The following HCN1 variants were observed in gnomAD, a reference collection of about 807,000 sequenced individuals.
The protein encoded by HCN1 is hyperpolarization activated cyclic nucleotide gated potassium channel 1.
HCN1 carries 13 observed loss-of-function variants against 78.9 expected under a neutral mutation model. The ratio of observed to expected loss-of-function variants is 0.16; its 90% CI spans 0.11 to 0.26. The LOEUF (loss-of-function observed/expected upper bound fraction) is 0.26, where lower values mean the gene tolerates loss of function less well. Ranked by LOEUF, HCN1 falls within the 10% of genes least tolerant of loss-of-function variation. The probability of loss-of-function intolerance (pLI) is 1.00; values close to 1 mark genes in which losing one functional copy is unlikely to be tolerated. For missense variants in HCN1, 810 were observed against 1,154.3 expected, an observed-to-expected ratio of 0.70 and a Z score of 4.32; for synonymous variants, 552 against 455.5, an observed-to-expected ratio of 1.21 and a Z score of -2.70.
chr5:45,611,897 A>G (rs1744844978), intron 2 of HCN1, among the ~76,000 whole-genome samples: 3 of 152,126 alleles, frequency 2.0e-5, no homozygotes, highest in Admixed American at 6.6e-5. Flanking sequence ...AACCTTTGGG[A>G]GAAGTTACAC....
In HCN1 at chr5:45,327,805, C is replaced by A. The variant is rs746164876; in HGVS notation, c.1378-23966G>T. Among the ~76,000 whole-genome samples the A allele has an allele frequency of 2.0e-5, 3 of 151,512 alleles. No homozygotes were observed. In the East Asian group the frequency reaches 5.8e-4, roughly 29 times the overall value. Reference sequence around the variant, plus strand: ...ACACAGAAAAGACATCTGGGGTGAACAAGCACAGAGAAAAGGAAGCCCTCT... The same window carrying A: ...ACACAGAAAAGACATCTGGGGTGAAAAAGCACAGAGAAAAGGAAGCCCTCT... On this transcript the variant is annotated intron_variant, in intron 5 of 7. Transcript: ENST00000303230.
chr5:45,296,550 C>T (rs907519142), intron 6 of HCN1, among the ~76,000 whole-genome samples: 6 of 151,696 alleles, frequency 4.0e-5, no homozygotes, highest in African/African-American at 1.5e-4. Context: ...TCTAAGCTTC[C>T]ATCTTAGCAA....
intron 6 of HCN1, among the ~76,000 whole-genome samples, chr5:45,291,671 G>T (rs1745379767): frequency 6.6e-6 from 1 of 151,836 alleles, no homozygotes; most frequent in South Asian, 2.1e-4. Flanking sequence ...CCCCCAAGTA[G>T]TTGTATGTGC....
chr5:45,542,225 A>T (rs1053768074), intron 2 of HCN1, among the ~76,000 whole-genome samples: 8 of 152,136 alleles, frequency 5.3e-5, no homozygotes, highest in Non-Finnish European at 1.2e-4. Context: ...GAAACTACAC[A>T]CAAGCAATGT....
chr5:45,554,277 A>G (rs1256050573), intron 2 of HCN1, among the ~76,000 whole-genome samples: 1 of 151,882 alleles, frequency 6.6e-6, no homozygotes, highest in African/African-American at 2.4e-5. Flanking sequence ...ATTAGAAGTC[A>G]CAGACATTCT....
chr5:45,548,520 A>G (rs1337974211), intron 2 of HCN1, among the ~76,000 whole-genome samples: 1 of 152,114 alleles, frequency 6.6e-6, no homozygotes, highest in Admixed American at 6.6e-5. Flanking sequence ...TATCTATGAC[A>G]AACCCACAGC....
At chr5:45,455,923 C>T (rs867356818) in intron 3 of HCN1, among the ~76,000 whole-genome samples, 1 of 151,784 alleles carries the variant, frequency 6.6e-6, no homozygotes, top group Non-Finnish European at 1.5e-5. Flanking sequence ...ATGGAAAGCA[C>T]GTGGCTATTT....
chr5:45,381,642 T>C (rs927222265), intron 4 of HCN1, among the ~76,000 whole-genome samples: 1 of 151,966 alleles, frequency 6.6e-6, no homozygotes, highest in African/African-American at 2.4e-5. Context: ...CCTATAATCC[T>C]CTCACATCTA....
At chr5:45,667,399 T>G (rs1189901924) in intron 1 of HCN1, among the ~76,000 whole-genome samples, 1 of 151,860 alleles carries the variant, frequency 6.6e-6, no homozygotes, top group Non-Finnish European at 1.5e-5. Context: ...TGAGTAAAAA[T>G]TATATATCAG....
intron 1 of HCN1, among the ~76,000 whole-genome samples, chr5:45,687,347 C>T (rs1463589086): frequency 6.6e-6 from 1 of 151,994 alleles, no homozygotes; most frequent in African/African-American, 2.4e-5. Context: ...TTCCATATGT[C>T]CATTTTCACT....
intron 2 of HCN1, among the ~76,000 whole-genome samples, chr5:45,639,049 ACT>A (rs1179101969): frequency 3.3e-5 from 5 of 152,034 alleles, no homozygotes; most frequent in Admixed American, 6.6e-5. Flanking sequence ...GGAACTTAAA[ACT>A]CTGTTTAATT....
chr5:45,449,639 A>G (rs983062729), intron 3 of HCN1, among the ~76,000 whole-genome samples: 10 of 151,064 alleles, frequency 6.6e-5, no homozygotes, highest in African/African-American at 9.8e-5. Context: ...CTTTATTTCA[A>G]CCTTCCCAGC....
intron 1 of HCN1, among the ~76,000 whole-genome samples, chr5:45,690,059 G>C (rs1280388047): frequency 6.6e-6 from 1 of 152,050 alleles, no homozygotes; most frequent in Non-Finnish European, 1.5e-5. Context: ...AAACAATGAA[G>C]AGTAAGGTGC....
At chr5:45,480,511 G>A (rs1047834218) in intron 2 of HCN1, among the ~76,000 whole-genome samples, 6 of 152,114 alleles carry the variant, frequency 3.9e-5, no homozygotes, top group African/African-American at 1.4e-4. Flanking sequence ...AAGGCTGTCA[G>A]CCTTCAAAAA....
At chr5:45,663,104 C>G (rs1476013362) in intron 1 of HCN1, among the ~76,000 whole-genome samples, 3 of 149,534 alleles carry the variant, frequency 2.0e-5, no homozygotes, top group Non-Finnish European at 3.0e-5. Flanking sequence ...GGTACCAAAA[C>G]AGAGATATAG....
Position 45,303,684 on chromosome 5 carries a change from T to G in HCN1, c.1533A>C (p.Lys511Asn). The G allele has an allele frequency of 6.2e-7, 1 of 1,613,630 alleles. No individual in the cohort carries two copies. Among genetic ancestry groups the G allele is most frequent in the South Asian group, 1.1e-5 (1 of 91,080 alleles). ...YIIREGAVGK[K>N]MYFIQHGVAG... is the part of the protein sequence containing the mutation. The stretch of plus-strand genomic sequence containing the variant: ...CAACACCGTGTTGAATGAAATACAT[T>G]TTTTTACCCACGGCTCCTTCTCGTA... The change falls in exon 6 of 8, where the codon AAA becomes AAC. Residue 511 changes from lysine (K) to asparagine (N), a missense_variant. Transcript: ENST00000303230.
At chr5:45,486,250 G>A (rs900214810) in intron 2 of HCN1, among the ~76,000 whole-genome samples, 24 of 152,094 alleles carry the variant, frequency 1.6e-4, no homozygotes, top group Non-Finnish European at 7.4e-5. Flanking sequence ...AAGATTTTGC[G>A]ATAGGAGGAA....
At chr5:45,531,015 G>T (rs560995693) in intron 2 of HCN1, among the ~76,000 whole-genome samples, 2 of 151,802 alleles carry the variant, frequency 1.3e-5, no homozygotes, top group Non-Finnish European at 2.9e-5. Flanking sequence ...GAAATATGGG[G>T]TGTAGTTTCT....
At position 45,256,995 on chromosome 5, in the gene HCN1, T is replaced by C. The variant is rs1744628662; in HGVS notation, c.*4926A>G. On this transcript the variant is annotated 3_prime_UTR_variant, in exon 8 of 8. Coordinates refer to ENST00000303230, the MANE Select transcript of HCN1 (RefSeq NM_021072.4). The stretch of plus-strand genomic sequence containing the variant: ...AATATATTATCTTACGCAAAGCAAG[T>C]AAACTTTCAGTTTCCTATTCCCATT... The C allele has an allele frequency of 6.6e-6, 1 of 152,250 alleles. No individual in the cohort carries two copies. The highest frequency in any genetic ancestry group is 1.5e-5 in the Non-Finnish European group (1 of 68,052). The allele number at this position is 152,250 out of a possible 1,614,324, so 9.4% of individuals were successfully genotyped here. A position where few individuals can be genotyped will look rare whatever the true frequency, so the allele number is the denominator to read the frequency against.
Sources: gnomAD v4.1 joint callset for allele counts (sites outside exome capture counted in the v4.1 genomes callset) on GRCh38, gnomAD v4.1.1 for gene constraint, MANE v1.5 for transcripts, NCBI Gene and HGNC (gene_info 2026-07-23, HGNC 2026-07-21) for gene names.